Variants in NBAS observed in about 807,000 individuals in gnomAD.
NBAS encodes the protein NAG/BC035112 fusion.
In NBAS, 219 loss-of-function variants were observed where a neutral mutation model predicts 302.5. The observed-to-expected ratio is 0.72, with a 90% CI of 0.65 to 0.81. The LOEUF (loss-of-function observed/expected upper bound fraction) is 0.81, where lower values mean the gene tolerates loss of function less well. NBAS is among the 30% of genes least tolerant of loss of function. NBAS has a pLI of 0.00. For missense variants in NBAS, 2,932 were observed against 2,841.6 expected, an observed-to-expected ratio of 1.03 and a Z score of -0.72; for synonymous variants, 1,118 against 1,021.6, an observed-to-expected ratio of 1.09 and a Z score of -1.80.
intron 25 of NBAS, among the ~76,000 whole-genome samples, chr2:15,403,603 C>T (rs978065701): frequency 1.3e-5 from 2 of 152,104 alleles, no homozygotes; most frequent in Non-Finnish European, 2.9e-5. Context: ...ACAAATACTA[C>T]ACCATTGTGT....
intron 33 of NBAS, among the ~76,000 whole-genome samples, chr2:15,355,732 G>A (rs947088875): frequency 1.6e-4 from 24 of 152,152 alleles, no homozygotes; most frequent in African/African-American, 5.6e-4. Flanking sequence ...AATCCAGCCA[G>A]TTAAGCCTCC....
At chr2:15,408,297 C>A (rs555461969) in intron 25 of NBAS, among the ~76,000 whole-genome samples, 2 of 152,342 alleles carry the variant, frequency 1.3e-5, no homozygotes, top group Admixed American at 1.3e-4. Flanking sequence ...AACACCTGAA[C>A]AATTCAGATC....
At chr2:15,510,488 G>A (rs1274059451) in intron 10 of NBAS, among the ~76,000 whole-genome samples, 6 of 152,086 alleles carry the variant, frequency 3.9e-5, no homozygotes, top group Non-Finnish European at 8.8e-5. Context: ...AGCTGCCCAG[G>A]AGAGTCATGA....
At chr2:15,533,273 T>C (rs1252617941) in intron 9 of NBAS, among the ~76,000 whole-genome samples, 1 of 152,226 alleles carries the variant, frequency 6.6e-6, no homozygotes. Context: ...CCTAGTTACA[T>C]ATCCTATAGA....
At chr2:15,375,157 A>G (rs1674676091) in intron 30 of NBAS, among the ~76,000 whole-genome samples, 1 of 152,244 alleles carries the variant, frequency 6.6e-6, no homozygotes, top group African/African-American at 2.4e-5. Context: ...TGATGTCTCA[A>G]AAGAAACAAG....
the NBAS span, among the ~76,000 whole-genome samples, chr2:14,991,082 C>T: frequency 1.8e-4 from 28 of 151,930 alleles, no homozygotes; most frequent in Non-Finnish European, 3.1e-4. Flanking sequence ...TTGAGAAAGA[C>T]GAGTTAGCAG....
At chr2:15,485,760 T>G (rs1680599568) in intron 12 of NBAS, among the ~76,000 whole-genome samples, 1 of 152,132 alleles carries the variant, frequency 6.6e-6, no homozygotes, top group African/African-American at 2.4e-5. Context: ...GAATGAAGTT[T>G]TGGAAAGTAC....
intron 47 of NBAS, among the ~76,000 whole-genome samples, chr2:15,229,720 T>C (rs922387398): frequency 6.6e-6 from 1 of 150,750 alleles, no homozygotes; most frequent in African/African-American, 2.4e-5. Context: ...AGGTGGAGGT[T>C]GCAGTGAGCC....
At chr2:15,282,651 G>C (rs1374081392) in intron 42 of NBAS, among the ~76,000 whole-genome samples, 2 of 152,176 alleles carry the variant, frequency 1.3e-5, no homozygotes, top group Non-Finnish European at 2.9e-5. Context: ...TAAATCACTT[G>C]TATAACCATT....
the NBAS span, among the ~76,000 whole-genome samples, chr2:14,978,580 G>A: frequency 6.6e-6 from 1 of 152,142 alleles, no homozygotes; most frequent in Admixed American, 6.5e-5. Context: ...GCACATAATA[G>A]GTAGACAACT....
At chr2:15,193,680 A>G (rs1236253504) in intron 48 of NBAS, among the ~76,000 whole-genome samples, 1 of 152,154 alleles carries the variant, frequency 6.6e-6, no homozygotes, top group Non-Finnish European at 1.5e-5. Context: ...CATAATAAAG[A>G]ATATACTTGG....
intron 6 of NBAS, among the ~76,000 whole-genome samples, chr2:15,542,552 T>G (rs2148695787): frequency 6.8e-6 from 1 of 147,666 alleles, no homozygotes; most frequent in Non-Finnish European, 1.5e-5. Context: ...GTTTATCTGC[T>G]GACCTTCCCT....
the NBAS span, among the ~76,000 whole-genome samples, chr2:15,113,875 T>A: frequency 6.6e-6 from 1 of 152,070 alleles, no homozygotes; most frequent in Admixed American, 6.5e-5. Context: ...AAAACCACCA[T>A]TTTATAATCT....
chr2:14,966,442 T>C, the NBAS span, among the ~76,000 whole-genome samples: 1 of 152,208 alleles, frequency 6.6e-6, no homozygotes, highest in Non-Finnish European at 1.5e-5. Flanking sequence ...TCCCTGAGTA[T>C]ACCAAATCAC....
the NBAS span, among the ~76,000 whole-genome samples, chr2:15,051,386 G>T: frequency 6.6e-6 from 1 of 152,210 alleles, no homozygotes; most frequent in Non-Finnish European, 1.5e-5. Context: ...AGGTGCCACA[G>T]AATAGAAGGA....
intron 44 of NBAS, among the ~76,000 whole-genome samples, chr2:15,266,598 G>A (rs1418883293): frequency 4.6e-5 from 7 of 152,080 alleles, no homozygotes; most frequent in Admixed American, 3.9e-4. Flanking sequence ...ATTTATTAAA[G>A]GAAAATATGT....
chr2:15,043,143 C>T, the NBAS span, among the ~76,000 whole-genome samples: 1 of 152,192 alleles, frequency 6.6e-6, no homozygotes, highest in Admixed American at 6.5e-5. Flanking sequence ...CGCTTAGTCA[C>T]TGGGTCATCT....
chr2:14,890,754 GT>G, the NBAS span: 3 of 152,796 alleles, frequency 2.0e-5, no homozygotes, highest in African/African-American at 7.2e-5. Flanking sequence ...GGAGGCTGAG[GT>G]TGCAGTGAGC....
chr2:14,967,405 A>G, the NBAS span, among the ~76,000 whole-genome samples: 8 of 152,224 alleles, frequency 5.3e-5, no homozygotes, highest in Non-Finnish European at 8.8e-5. Flanking sequence ...ATAAAGCTAC[A>G]GTAATCACAC....
Sources: gnomAD v4.1 joint callset for allele counts (sites outside exome capture counted in the v4.1 genomes callset) on GRCh38, gnomAD v4.1.1 for gene constraint, MANE v1.5 for transcripts, NCBI Gene and HGNC (gene_info 2026-07-23, HGNC 2026-07-21) for gene names.